Variants in NPSR1 observed in about 807,000 individuals in gnomAD.
The protein encoded by NPSR1 is neuropeptide S receptor.
Under a neutral mutation model 46.9 loss-of-function variants are expected in NPSR1, and 48 were observed. The observed-to-expected ratio is 1.02, with a 90% CI of 0.81 to 1.30. The LOEUF (loss-of-function observed/expected upper bound fraction) is 1.30, where lower values mean the gene tolerates loss of function less well. NPSR1 is among the 50% of genes most tolerant of loss of function. The pLI, the probability that NPSR1 is intolerant of heterozygous loss-of-function variation, is 0.00. For synonymous variants in NPSR1, 176 were observed against 168.1 expected (o/e 1.05, Z -0.36); for missense variants, 450 against 449.5 (o/e 1.00, Z -0.01).
chr7:34,674,335 C>A (rs1287141405), intron 1 of NPSR1, among the ~76,000 whole-genome samples: 1 of 152,208 alleles, frequency 6.6e-6, no homozygotes, highest in Non-Finnish European at 1.5e-5. Context: ...TCTGCTCCTA[C>A]CTGTTTCACT....
chr7:34,865,711 C>T (rs1158040357), intron 8 of NPSR1, among the ~76,000 whole-genome samples: 1 of 151,736 alleles, frequency 6.6e-6, no homozygotes, highest in African/African-American at 2.4e-5. Context: ...CTACATTTCT[C>T]TCTTCTGACT....
At chr7:34,821,654 C>T (rs1364817842) in intron 4 of NPSR1, among the ~76,000 whole-genome samples, 3 of 152,074 alleles carry the variant, frequency 2.0e-5, no homozygotes, top group African/African-American at 7.2e-5. Context: ...CATGTTTCAC[C>T]ATATTCACTA....
At chr7:34,680,400 AATTT>A (rs2128681039) in intron 1 of NPSR1, among the ~76,000 whole-genome samples, 1 of 152,280 alleles carries the variant, frequency 6.6e-6, no homozygotes, top group Non-Finnish European at 1.5e-5. Flanking sequence ...TTAAAATAGA[AATTT>A]TAAAATATAA....
chr7:34,790,586 A>C (rs1787687039), intron 3 of NPSR1, among the ~76,000 whole-genome samples: 1 of 149,692 alleles, frequency 6.7e-6, no homozygotes, highest in South Asian at 2.1e-4. Flanking sequence ...GACAAACTTA[A>C]ATTTTCTGTT....
At chr7:34,826,927 C>G (rs960789816) in intron 4 of NPSR1, among the ~76,000 whole-genome samples, 1 of 151,064 alleles carries the variant, frequency 6.6e-6, no homozygotes, top group Non-Finnish European at 1.5e-5. Context: ...TCCCATTTGG[C>G]AAATAACTCT....
At chr7:34,770,213 T>A (rs1306556384) in intron 2 of NPSR1, among the ~76,000 whole-genome samples, 1 of 152,146 alleles carries the variant, frequency 6.6e-6, no homozygotes, top group East Asian at 1.9e-4. Flanking sequence ...AAAGAGAATA[T>A]CCAAGTAACT....
chr7:34,736,857 C>T (rs1356746391), intron 2 of NPSR1, among the ~76,000 whole-genome samples: 1 of 152,170 alleles, frequency 6.6e-6, no homozygotes, highest in African/African-American at 2.4e-5. Context: ...TTCTACCCAG[C>T]AACCATATGC....
chr7:34,767,930 T>G (rs552590467), intron 2 of NPSR1, among the ~76,000 whole-genome samples: 10 of 152,234 alleles, frequency 6.6e-5, no homozygotes, highest in African/African-American at 2.4e-4. Flanking sequence ...AGAACTAGAA[T>G]AAGTTCTAGT....
In NPSR1 at chr7:34,848,668, GGGGAGCTCTTGCA is replaced by G. The variant is rs1161909031; in HGVS notation, c.1025+6_1025+18del. 17 of 1,612,974 alleles carry G rather than the reference GGGGAGCTCTTGCA, an allele frequency of 1.1e-5. No individual in the cohort carries two copies. Among genetic ancestry groups the G allele is most frequent in the Non-Finnish European group, 1.4e-5 (17 of 1,179,712 alleles). ...CTCCATCTCTTTCCCCTGCAGGTAA[GGGGAGCTCTTGCA>G]TGGGTCAGACACACTGATGGCCATT... On this transcript the variant is annotated splice_donor_region_variant and intron_variant, in intron 8 of 8. Transcript: ENST00000360581.
chr7:34,663,041 T>TTTTCTCTCTCTCTC (rs1791535216), intron 1 of NPSR1, among the ~76,000 whole-genome samples: 1 of 108,286 alleles, frequency 9.2e-6, no homozygotes, highest in Non-Finnish European at 1.8e-5. Context: ...TGTAGTGCAT[T>TTTTCTCTCTCTCTC]TCTCTCTCTC....
intron 1 of NPSR1, among the ~76,000 whole-genome samples, chr7:34,677,353 G>T (rs2128678614): frequency 6.6e-6 from 1 of 152,254 alleles, no homozygotes; most frequent in Admixed American, 6.5e-5. Context: ...CTTCAGCATT[G>T]ATTTTCTGGA....
chr7:34,712,499 T>G (rs1783349707), intron 2 of NPSR1, among the ~76,000 whole-genome samples: 1 of 152,224 alleles, frequency 6.6e-6, no homozygotes, highest in Admixed American at 6.5e-5. Context: ...TTCCATCTAT[T>G]TTTCTGTTGT....
chr7:34,666,100 T>G (rs1455403103), intron 1 of NPSR1, among the ~76,000 whole-genome samples: 6 of 152,262 alleles, frequency 3.9e-5, no homozygotes, highest in Non-Finnish European at 8.8e-5. Flanking sequence ...CACCAACCAT[T>G]TGGCTTGAAT....
At chr7:34,865,176 C>A (rs1302548279) in intron 8 of NPSR1, among the ~76,000 whole-genome samples, 2 of 151,796 alleles carry the variant, frequency 1.3e-5, no homozygotes, top group Non-Finnish European at 2.9e-5. Flanking sequence ...TCTTTACCAC[C>A]AATCCTCATT....
At chr7:34,756,546 T>C (rs1785866117) in intron 2 of NPSR1, among the ~76,000 whole-genome samples, 1 of 152,220 alleles carries the variant, frequency 6.6e-6, no homozygotes, top group Non-Finnish European at 1.5e-5. Context: ...AACTCTGGCA[T>C]TGTAACATGA....
chr7:34,706,204 C>G (rs1329944421), intron 2 of NPSR1, among the ~76,000 whole-genome samples: 1 of 151,298 alleles, frequency 6.6e-6, no homozygotes, highest in Non-Finnish European at 1.5e-5. Context: ...CATGCTTTCA[C>G]CAGGTTATGT....
intron 2 of NPSR1, among the ~76,000 whole-genome samples, chr7:34,725,554 A>G (rs1274590999): frequency 2.6e-5 from 4 of 152,184 alleles, no homozygotes; most frequent in Non-Finnish European, 5.9e-5. Flanking sequence ...GTGCTCCCAA[A>G]CACAGCCCTC....
At chr7:34,842,377 A>G (rs1199511106) in intron 6 of NPSR1, among the ~76,000 whole-genome samples, 1 of 152,202 alleles carries the variant, frequency 6.6e-6, no homozygotes, top group Non-Finnish European at 1.5e-5. Flanking sequence ...TTTGGACTGG[A>G]TAATTCTTTG....
chr7:34,850,524 C>T (rs1274486284), downstream of NPSR1, among the ~76,000 whole-genome samples: 3 of 152,006 alleles, frequency 2.0e-5, no homozygotes, highest in Non-Finnish European at 1.5e-5. Flanking sequence ...CCTCAGCCTC[C>T]CGAGTAGCTG....
Sources: gnomAD v4.1 joint callset for allele counts (sites outside exome capture counted in the v4.1 genomes callset) on GRCh38, gnomAD v4.1.1 for gene constraint, MANE v1.5 for transcripts, NCBI Gene and HGNC (gene_info 2026-07-23, HGNC 2026-07-21) for gene names.